Variants in PIWIL3 observed in about 807,000 individuals in gnomAD.
The protein encoded by PIWIL3 is piwi-like protein 3.
Under a neutral mutation model 109.7 loss-of-function variants are expected in PIWIL3, and 101 were observed. The observed-to-expected ratio is 0.92, with a 90% CI of 0.78 to 1.09. The LOEUF (loss-of-function observed/expected upper bound fraction) is 1.09. Ranked by LOEUF, PIWIL3 falls within the 50% of genes least tolerant of loss-of-function variation. The pLI, the probability that PIWIL3 is intolerant of heterozygous loss-of-function variation, is 0.00. For synonymous variants in PIWIL3, 373 were observed against 376.4 expected, an observed-to-expected ratio of 0.99 and a Z score of 0.10; for missense variants, 1,031 against 1,072.6, an observed-to-expected ratio of 0.96 and a Z score of 0.54.
intron 18 of PIWIL3, among the ~76,000 whole-genome samples, chr22:24,724,686 C>A (rs1182617332): frequency 6.6e-6 from 1 of 152,118 alleles, no homozygotes; most frequent in Admixed American, 6.5e-5. Context: ...ATCCACCCTC[C>A]TCGGCCTCCC....
Position 24,728,408 on chromosome 22 carries a change from TACA to T in PIWIL3, c.1708-37_1708-35del, listed in dbSNP as rs752406557. On this transcript the variant is annotated intron_variant, in intron 14 of 20. Coordinates refer to ENST00000616349, the MANE Select transcript of PIWIL3 (RefSeq NM_001255975.1). ...CCAGCAAACATGACATTCCCTAAGA[TACA>T]ACAACAGTGATACAGGAAAGAAAAA... 15 of 1,613,450 alleles carry T rather than the reference TACA, an allele frequency of 9.3e-6. No individual in the cohort carries two copies. The African/African-American group carries it at 1.7e-4, about 19-fold the overall frequency.
In PIWIL3 at chr22:24,763,148, CTTTTT is replaced by C. The variant is rs11288934; in HGVS notation, c.-22-632_-22-628del. On this transcript the variant is annotated intron_variant, in intron 1 of 20. Transcript: ENST00000616349. ...AGGAGACCTGGTAAAACTTTTTTTT[CTTTTT>C]TTTTTTTTTGAGAGGGAGTCTTGCT... is the stretch of plus-strand genomic sequence containing the variant. 7.1e-5 allele frequency among the ~76,000 whole-genome samples: 10 copies of C among 141,676 alleles called. 1 individual carries two copies. The highest frequency in any genetic ancestry group is 4.9e-4 in the Admixed American group (7 of 14,218). The allele number at this position is 141,676 out of a possible 152,430, so 92.9% of individuals were successfully genotyped here. A position where few individuals can be genotyped will look rare whatever the true frequency, so the allele number is the denominator to read the frequency against.
In PIWIL3 at chr22:24,770,268, C is replaced by T. The variant is rs913297786; in HGVS notation, c.-23+4054G>A. The stretch of plus-strand genomic sequence containing the variant: ...TTCCATAGTAAAAGTGTCAGTATGA[C>T]GACATCAACTGTCCCTGCCTGGACA... On this transcript the variant is annotated intron_variant, in intron 1 of 20. Coordinates refer to ENST00000616349, the MANE Select transcript of PIWIL3 (RefSeq NM_001255975.1). Among the ~76,000 whole-genome samples the T allele has an allele frequency of 7.9e-5, 12 of 152,182 alleles. No individual in the cohort carries two copies. In the South Asian group the frequency reaches 1.2e-3, roughly 16 times the overall value.
At chr22:24,753,962 G>A (rs1373884831) in intron 8 of PIWIL3, 52 bp downstream of exon 8, 2 of 1,448,630 alleles carry the variant, frequency 1.4e-6, no homozygotes, top group Admixed American at 3.4e-5. Context: ...CTCTTGGGGT[G>A]GGGGAAGGGG....
intron 12 of PIWIL3, among the ~76,000 whole-genome samples, chr22:24,746,380 T>C (rs958248853): frequency 6.6e-6 from 1 of 152,132 alleles, no homozygotes; most frequent in Admixed American, 6.5e-5. Context: ...CCCTTCATAA[T>C]TGAAAACCCT....
chr22:24,720,662 T>C (rs1035612128), intron 19 of PIWIL3, among the ~76,000 whole-genome samples: 3 of 152,228 alleles, frequency 2.0e-5, no homozygotes, highest in Non-Finnish European at 2.9e-5. Context: ...TGTTGTACTT[T>C]ATGTTTATGA....
intron 14 of PIWIL3, 89 bp downstream of exon 14, chr22:24,733,995 C>A: frequency 3.5e-6 from 5 of 1,428,964 alleles, no homozygotes; most frequent in South Asian, 3.2e-5. Flanking sequence ...TTCAGGAAAC[C>A]AACAACAACA....
At position 24,761,144 on chromosome 22, in the gene PIWIL3, G is replaced by A. The variant is rs141238069; in HGVS notation, c.103-1155C>T. On this transcript the variant is annotated intron_variant, in intron 2 of 20. Transcript: ENST00000616349. ...TCCACGGACACCCGTGGGGGTGTTA[G>A]GTGGTGCAGGAGAGGTTCTGGCCAA... Among the ~76,000 whole-genome samples, 39 of 152,200 alleles carry A rather than the reference G, an allele frequency of 2.6e-4. No homozygotes were observed. In the East Asian group the frequency reaches 7.0e-3, roughly 27 times the overall value.
intron 14 of PIWIL3, among the ~76,000 whole-genome samples, chr22:24,733,533 T>C (rs1309904978): frequency 6.6e-6 from 1 of 151,886 alleles, no homozygotes; most frequent in Non-Finnish European, 1.5e-5. Context: ...ATATAAAAAT[T>C]AGCTGGGCAT....
chr22:24,760,059 C>T (rs1395882173), intron 2 of PIWIL3, 70 bp from the exon 3 acceptor site: 9 of 1,587,914 alleles, frequency 5.7e-6, no homozygotes, highest in East Asian at 2.2e-5. Flanking sequence ...AAATGGCACT[C>T]GCAGGGCACA....
intron 1 of PIWIL3, 135 bp from the exon 2 acceptor site, chr22:24,762,656 G>T: frequency 1.3e-6 from 1 of 754,030 alleles, no homozygotes; most frequent in Non-Finnish European, 2.0e-6. Flanking sequence ...CATTCTGATG[G>T]CTGGAAAGTC....
At chr22:24,727,203 T>G (rs1335379716) in intron 16 of PIWIL3, among the ~76,000 whole-genome samples, 2 of 152,236 alleles carry the variant, frequency 1.3e-5, no homozygotes, top group Non-Finnish European at 2.9e-5. Context: ...GTAGGCAGAA[T>G]TCTACCTGTT....
chr22:24,763,804 GT>G (rs2147723204), intron 1 of PIWIL3, among the ~76,000 whole-genome samples: 1 of 150,598 alleles, frequency 6.6e-6, no homozygotes, highest in East Asian at 2.0e-4. Context: ...CGCATCCTGA[GT>G]GGGACCTCCG....
At chr22:24,767,378 A>AAATAAATAAAT in intron 1 of PIWIL3, among the ~76,000 whole-genome samples, 2 of 151,088 alleles carry the variant, frequency 1.3e-5, no homozygotes, top group African/African-American at 4.9e-5. Flanking sequence ...TCTACTAAAA[A>AAATAAATAAAT]AAATAAATAA....
intron 1 of PIWIL3, among the ~76,000 whole-genome samples, chr22:24,762,992 T>G: frequency 6.6e-6 from 1 of 152,122 alleles, no homozygotes; most frequent in East Asian, 1.9e-4. Context: ...CCATAGCACC[T>G]GGTAATGTTT....
intron 2 of PIWIL3, 42 bp downstream of exon 2, chr22:24,762,356 C>G (rs779061619): frequency 4.4e-6 from 7 of 1,594,100 alleles, no homozygotes; most frequent in African/African-American, 1.3e-5. Flanking sequence ...TCAGTACAGG[C>G]ACATATCTCT....
Position 24,719,103 on chromosome 22 carries a change from G to A in PIWIL3, c.*369C>T, listed in dbSNP as rs557981716. On this transcript the variant is annotated 3_prime_UTR_variant, in exon 21 of 21. Transcript: ENST00000616349. ...AAAAAGTTTCAAAAATAAAGTAAAC[G>A]TAGTTTTCCAAGTAGAGTTTACTTG... The A allele has an allele frequency of 7.6e-4, 117 of 154,672 alleles. No individual in the cohort carries two copies. Among genetic ancestry groups the A allele is most frequent in the Non-Finnish European group, 1.3e-3 (91 of 69,770 alleles). The allele number at this position is 154,672 out of a possible 1,614,324, so 9.6% of individuals were successfully genotyped here. A position where few individuals can be genotyped will look rare whatever the true frequency, so the allele number is the denominator to read the frequency against.
chr22:24,725,131 G>A, intron 17 of PIWIL3, 94 bp from the exon 18 acceptor site: 3 of 1,441,944 alleles, frequency 2.1e-6, no homozygotes, highest in East Asian at 2.4e-5. Context: ...TTTCAACACT[G>A]CAGCTTTCAG....
At chr22:24,757,770 C>T in intron 4 of PIWIL3, 138 bp downstream of exon 4, 1 of 1,040,456 alleles carries the variant, frequency 9.6e-7, no homozygotes, top group South Asian at 1.7e-5. Context: ...TCAGCTGAGC[C>T]CAGGAGTTTG....
Sources: gnomAD v4.1 joint callset for allele counts (sites outside exome capture counted in the v4.1 genomes callset) on GRCh38, gnomAD v4.1.1 for gene constraint, MANE v1.5 for transcripts, NCBI Gene and HGNC (gene_info 2026-07-23, HGNC 2026-07-21) for gene names.